CHRNA10: variants seen among roughly 807,000 people sequenced by gnomAD.
CHRNA10 encodes the protein cholinergic receptor nicotinic alpha 10 subunit.
Under a neutral mutation model 36.0 loss-of-function variants are expected in CHRNA10, and 31 were observed. That is an observed-to-expected ratio of 0.86 (90% CI 0.65 to 1.16). The LOEUF is 1.16. CHRNA10 is among the 50% of genes most tolerant of loss of function. CHRNA10 has a pLI of 0.00. For missense variants in CHRNA10, 648 were observed against 640.9 expected, an observed-to-expected ratio of 1.01 and a Z score of -0.12; for synonymous variants, 302 against 287.0, an observed-to-expected ratio of 1.05 and a Z score of -0.53.
chr11:3,667,771 G>T lies in CHRNA10; in HGVS notation c.363-7C>A, dbSNP rs759060304. The T allele has an allele frequency of 7.3e-6, 11 of 1,502,470 alleles. No individual in the cohort carries two copies. In the Middle Eastern group the frequency reaches 1.2e-3, roughly 170 times the overall value. 93.1% of individuals were successfully genotyped at this position (1,502,470 alleles called of 1,614,324 possible). ...TGGAGGCTGCGCGTCGGCTCTGGGG[G>T]CAGGCGGGGCAGGGCTCACCTAGGC... On this transcript the variant is annotated splice_polypyrimidine_tract_variant and splice_region_variant and intron_variant, in intron 3 of 4. Coordinates refer to ENST00000250699, the MANE Select transcript of CHRNA10 (RefSeq NM_020402.4).
chr11:3,667,202 G>A (rs559435979), intron 4 of CHRNA10, 30 bp downstream of exon 4: 11 of 1,525,632 alleles, frequency 7.2e-6, no homozygotes, highest in Non-Finnish European at 9.6e-6. Context: ...CCAGCGCATC[G>A]TCAGGTCCCC....
rs55693185 is a variant in CHRNA10, at chr11:3,665,629, C to G, written c.*478G>C. On this transcript the variant is annotated 3_prime_UTR_variant, in exon 5 of 5. Transcript: ENST00000250699. ...CTTTATTGAGTCAGGGATTTGGGGC[C>G]AAATGTCTGTAGGGCCTCCTGCTCT... The G allele has an allele frequency of 0.02, 3,067 of 153,658 alleles. 110 individuals are homozygous for G. Among genetic ancestry groups the G allele is most frequent in the African/African-American group, 0.069 (2,849 of 41,510 alleles). The allele number at this position is 153,658 out of a possible 1,614,324, so 9.5% of individuals were successfully genotyped here.
In CHRNA10 at chr11:3,667,442, TGAA is replaced by T. The variant is rs765438697; in HGVS notation, c.682_684del (p.Phe228del). The T allele has an allele frequency of 2.5e-6, 4 of 1,591,396 alleles. No individual in the cohort carries two copies. The highest frequency in any genetic ancestry group is 3.4e-6 in the Non-Finnish European group (4 of 1,174,068). On this transcript the variant is annotated inframe_deletion, in exon 4 of 5. Transcript: ENST00000250699. ...GCGGCGCGGCGGCGCAGCAGCAGCG[TGAA>T]GGTGACGTCGGGGTAGGGCTCGGAG...
At position 3,666,538 on chromosome 11, in the gene CHRNA10, T is replaced by C; in HGVS notation, c.922A>G (p.Met308Val). ...GTGAGTGCTGTTGAGAATGTGACCA[T>C]GGTCATAGTGGCCATGTAGTACTTC... is the stretch of plus-strand genomic sequence containing the variant. ...IGKYYMATMT[M>V]VTFSTALTIL... The change falls in exon 5 of 5, where the codon ATG becomes GTG. Residue 308 changes from methionine (M) to valine (V), a missense_variant. Transcript: ENST00000250699. 1 of 1,556,708 alleles carries C rather than the reference T, an allele frequency of 6.4e-7. No individual in the cohort carries two copies. Among genetic ancestry groups the C allele is most frequent in the Non-Finnish European group, 8.7e-7 (1 of 1,149,290 alleles).
In CHRNA10 at chr11:3,669,324, C is replaced by A. The variant is rs1218004967; in HGVS notation, c.234G>T (p.Leu78=). ...TCCACTCCTGCCGTATCCACAGATA[C>A]AGGGTCAGCACCTGGTTCCGTTCAT... ...DMDERNQVLT[L]YLWIRQEWTD... The change falls in exon 3 of 5, where the codon CTG becomes CTT. Residue 78 remains leucine, a synonymous_variant. Transcript: ENST00000250699. 5.0e-6 allele frequency: 8 copies of A among 1,613,880 alleles called. No individual in the cohort carries two copies. The highest frequency in any genetic ancestry group is 2.2e-5 in the East Asian group (1 of 44,898).
At chr11:3,669,022 G>T in intron 3 of CHRNA10, 174 bp downstream of exon 3, 1 of 644,004 alleles carries the variant, frequency 1.6e-6, no homozygotes, top group Non-Finnish European at 2.6e-6. Flanking sequence ...AGCCTAAAGT[G>T]GGGGTGCCAT....
rs748607263 is a variant in CHRNA10 at position 3,669,935 on chromosome 11, A to G, written c.68T>C (p.Leu23Pro). ...LLLFLLPAEC[L>P]GAEGRLALKL... ...GAGAGCCAGCCGGCCCTCAGCTCCC[A>G]GGCACTCTGGAGGGTCAGTAAGGAG... is the stretch of plus-strand genomic sequence containing the variant. The change falls in exon 2 of 5, where the codon CTG becomes CCG. Residue 23 changes from leucine to proline, a missense_variant. Coordinates refer to ENST00000250699, the MANE Select transcript of CHRNA10 (RefSeq NM_020402.4). 3 of 1,614,146 alleles carry G rather than the reference A, an allele frequency of 1.9e-6. No homozygotes were observed. Among genetic ancestry groups the G allele is most frequent in the Non-Finnish European group, 2.5e-6 (3 of 1,180,016 alleles).
chr11:3,669,755 G>A, intron 2 of CHRNA10, 41 bp downstream of exon 2: 1 of 1,611,508 alleles, frequency 6.2e-7, no homozygotes, highest in Non-Finnish European at 8.5e-7. Flanking sequence ...TTGACACTGT[G>A]ACAGGTAAGA....
At position 3,666,190 on chromosome 11, in the gene CHRNA10, G is replaced by A. The variant is rs766443649; in HGVS notation, c.1270C>T (p.Arg424Cys). 11 of 1,612,608 alleles carry A rather than the reference G, an allele frequency of 6.8e-6. No homozygotes were observed. Among genetic ancestry groups the A allele is most frequent in the African/African-American group, 4.0e-5 (3 of 74,992 alleles). ...RCHEDWKRLA[R>C]VMDRFFLAIF... ...GCCAGGAAGAAGCGGTCCATCACAC[G>A]GGCCAGGCGCTTCCAGTCCTCATGG... The change falls in exon 5 of 5, where the codon CGT (arginine) becomes TGT (cysteine). Residue 424 changes from arginine to cysteine, a missense_variant. Arg to Cys is a radical substitution (Grantham distance 180, BLOSUM62 -3). Coordinates refer to ENST00000250699, the MANE Select transcript of CHRNA10 (RefSeq NM_020402.4).
At chr11:3,671,164 AAG>A (rs1327438770) in intron 1 of CHRNA10, 86 bp downstream of exon 1, 12 of 1,345,222 alleles carry the variant, frequency 8.9e-6, no homozygotes, top group Non-Finnish European at 1.2e-5. Flanking sequence ...GGAGAAACAC[AAG>A]AGAGACTACA....
rs1245286310 is a variant in CHRNA10, at chr11:3,666,522, G to A, written c.938C>T (p.Thr313Ile). ...GTTCATGATAAGGATGGTGAGTGCT[G>A]TTGAGAATGTGACCATGGTCATAGT... ...MATMTMVTFS[T>I]ALTILIMNLH... Residue 313 changes from threonine to isoleucine, a missense_variant, in exon 5 of 5, where the codon ACA becomes ATA. By Grantham distance (89) the Thr-to-Ile change is moderately conservative. Coordinates refer to ENST00000250699, the MANE Select transcript of CHRNA10 (RefSeq NM_020402.4). The A allele has an allele frequency of 6.3e-7, 1 of 1,579,994 alleles. No individual in the cohort carries two copies. Among genetic ancestry groups the A allele is most frequent in the East Asian group, 2.3e-5 (1 of 44,388 alleles).
intron 2 of CHRNA10, 21 bp from the exon 3 acceptor site, chr11:3,669,371 C>T: frequency 6.2e-7 from 1 of 1,609,962 alleles, no homozygotes; most frequent in Non-Finnish European, 8.5e-7. Flanking sequence ...CAGGGAATGG[C>T]AGAGATGTGG....
chr11:3,671,065 C>G, intron 1 of CHRNA10, 187 bp downstream of exon 1: 1 of 626,088 alleles, frequency 1.6e-6, no homozygotes, highest in East Asian at 2.8e-5. Flanking sequence ...TGTTTCCACC[C>G]TAGCCAGGCA....
chr11:3,668,489 G>A (rs1277725271), intron 3 of CHRNA10: 4 of 152,222 alleles, frequency 2.6e-5, no homozygotes, highest in Non-Finnish European at 4.4e-5. Flanking sequence ...CTCCAGCCTG[G>A]GCGACAGAGC....
At chr11:3,669,125 C>A in intron 3 of CHRNA10, 71 bp downstream of exon 3, 1 of 1,485,766 alleles carries the variant, frequency 6.7e-7, no homozygotes, top group Non-Finnish European at 9.2e-7. Flanking sequence ...GAGAGGGGAT[C>A]ACTACACCCC....
Position 3,669,356 on chromosome 11 carries a change from G to T in CHRNA10, c.208-6C>A, listed in dbSNP as rs560518451. 3.7e-6 allele frequency: 6 copies of T among 1,613,042 alleles called. No individual in the cohort carries two copies. Among genetic ancestry groups the T allele is most frequent in the South Asian group, 1.1e-5 (1 of 90,952 alleles). On this transcript the variant is annotated splice_region_variant and splice_polypyrimidine_tract_variant and intron_variant, in intron 2 of 4. Coordinates refer to ENST00000250699, the MANE Select transcript of CHRNA10 (RefSeq NM_020402.4). ...AGCACCTGGTTCCGTTCATCCTAGT[G>T]GGGGCAGGGAATGGCAGAGATGTGG...
At chr11:3,668,242 G>T (rs917512333) in intron 3 of CHRNA10, among the ~76,000 whole-genome samples, 1 of 152,268 alleles carries the variant, frequency 6.6e-6, no homozygotes. Flanking sequence ...GGCTGGGTGC[G>T]GTGGCTCACG....
chr11:3,667,826 C>G, intron 3 of CHRNA10, 62 bp from the exon 4 acceptor site: 1 of 1,384,034 alleles, frequency 7.2e-7, no homozygotes, highest in Non-Finnish European at 9.4e-7. Context: ...CCCCGGAGGC[C>G]GGGAGCCCAG....
At chr11:3,667,015 A>T (rs2077667427) in intron 4 of CHRNA10, among the ~76,000 whole-genome samples, 1 of 152,180 alleles carries the variant, frequency 6.6e-6, no homozygotes, top group Admixed American at 6.5e-5. Context: ...GGATCTGGGG[A>T]TACTGATGTT....
Sources: allele counts gnomAD v4.1 joint callset (sites outside exome capture counted in the v4.1 genomes callset), GRCh38; gene constraint gnomAD v4.1.1; transcripts MANE v1.5; gene names NCBI Gene and HGNC (gene_info 2026-07-23, HGNC 2026-07-21).